The following PDE6D variants were observed in gnomAD, a reference collection of about 807,000 sequenced individuals.
The protein encoded by PDE6D is retinal rod rhodopsin-sensitive cGMP 3',5'-cyclic phosphodiesterase subunit delta.
In PDE6D, 10 loss-of-function variants were observed where a neutral mutation model predicts 21.9. The observed-to-expected ratio is 0.46, with a 90% CI of 0.28 to 0.78. PDE6D has a LOEUF of 0.78. Among genes scored for constraint, PDE6D ranks in the 30% least tolerant of loss-of-function variants. The pLI is 0.12. For synonymous variants in PDE6D, 59 were observed against 63.5 expected (o/e 0.93, Z 0.34); for missense variants, 139 against 184.8 (o/e 0.75, Z 1.44).
intron 4 of PDE6D, among the ~76,000 whole-genome samples, chr2:231,733,767 A>G (rs1472652363): frequency 6.6e-6 from 1 of 150,880 alleles, no homozygotes; most frequent in African/African-American, 2.4e-5. Flanking sequence ...ACTACAGAAC[A>G]CTAAATGATG....
intron 1 of PDE6D, among the ~76,000 whole-genome samples, chr2:231,771,141 C>T (rs1003299246): frequency 3.3e-5 from 5 of 151,632 alleles, no homozygotes; most frequent in African/African-American, 4.8e-5. Flanking sequence ...GTGCCTCAGC[C>T]TCCCAAATAG....
chr2:231,760,878 T>C (rs144922230), intron 1 of PDE6D, among the ~76,000 whole-genome samples: 2 of 152,328 alleles, frequency 1.3e-5, no homozygotes, highest in African/African-American at 4.8e-5. Flanking sequence ...CACTATTTTC[T>C]AGCTCAGCCA....
intron 1 of PDE6D, among the ~76,000 whole-genome samples, chr2:231,766,896 G>A (rs1305380609): frequency 6.6e-6 from 1 of 150,740 alleles, no homozygotes; most frequent in Non-Finnish European, 1.5e-5. Flanking sequence ...GGAGGCTGAG[G>A]CTACTCGGGA....
intron 1 of PDE6D, among the ~76,000 whole-genome samples, chr2:231,752,205 G>A (rs2048845005): frequency 1.3e-5 from 2 of 151,850 alleles, no homozygotes. Context: ...AAACCACAGG[G>A]TATGTTAGTT....
At chr2:231,735,604 A>G (rs1316115293) in intron 4 of PDE6D, among the ~76,000 whole-genome samples, 1 of 151,764 alleles carries the variant, frequency 6.6e-6, no homozygotes, top group South Asian at 2.1e-4. Flanking sequence ...AGCCTCTTAC[A>G]AAATCTATGT....
At chr2:231,765,237 C>T (rs527767128) in intron 1 of PDE6D, among the ~76,000 whole-genome samples, 1 of 152,164 alleles carries the variant, frequency 6.6e-6, no homozygotes, top group East Asian at 1.9e-4. Context: ...CTTACCACTG[C>T]ACTTCAGCCT....
chr2:231,763,968 C>A (rs2048951308), intron 1 of PDE6D, among the ~76,000 whole-genome samples: 1 of 151,776 alleles, frequency 6.6e-6, no homozygotes, highest in Admixed American at 6.6e-5. Context: ...ATTAATCTCA[C>A]TGTATTTTAC....
At chr2:231,748,909 C>T (rs544731298) in intron 1 of PDE6D, among the ~76,000 whole-genome samples, 34 of 152,292 alleles carry the variant, frequency 2.2e-4, no homozygotes, top group African/African-American at 7.9e-4. Context: ...GAACCTCCGC[C>T]TGGAGTTTAG....
chr2:231,762,275 C>G (rs2048936802), intron 1 of PDE6D, among the ~76,000 whole-genome samples: 2 of 147,694 alleles, frequency 1.4e-5, no homozygotes, highest in Non-Finnish European at 3.0e-5. Flanking sequence ...TAGACCTCCT[C>G]TTTTCTATCC....
intron 1 of PDE6D, among the ~76,000 whole-genome samples, chr2:231,774,021 C>T (rs1185033743): frequency 6.6e-6 from 1 of 152,052 alleles, no homozygotes; most frequent in African/African-American, 2.4e-5. Context: ...GCAACCTCCA[C>T]CTCCTGGGTT....
intron 1 of PDE6D, among the ~76,000 whole-genome samples, chr2:231,767,197 A>G (rs533291506): frequency 6.6e-6 from 1 of 152,300 alleles, no homozygotes; most frequent in East Asian, 1.9e-4. Flanking sequence ...AGCAAAGGTA[A>G]ATAATGATTG....
At chr2:231,781,037 C>G (rs778691578) in intron 1 of PDE6D, 28 bp downstream of exon 1, 2 of 1,604,078 alleles carry the variant, frequency 1.2e-6, no homozygotes, top group South Asian at 2.2e-5. Context: ...CAAGTCCTCC[C>G]GGCCCCGCCC....
intron 1 of PDE6D, among the ~76,000 whole-genome samples, chr2:231,776,443 C>T (rs1412062889): frequency 6.6e-6 from 1 of 150,690 alleles, no homozygotes; most frequent in African/African-American, 2.4e-5. Context: ...AAGTAAGTTA[C>T]AAAGTGATAT....
In PDE6D at chr2:231,767,999, C is replaced by T. The variant is rs551745047; in HGVS notation, c.50+13066G>A. On this transcript the variant is annotated intron_variant, in intron 1 of 4. Coordinates refer to ENST00000287600, the MANE Select transcript of PDE6D (RefSeq NM_002601.4). ...TAGCTGGGACTACAGGCACACACTA[C>T]CATGCCTGGCTAATTTTTGTATTTT... 1.2e-4 allele frequency among the ~76,000 whole-genome samples: 19 copies of T among 152,100 alleles called. No individual in the cohort carries two copies. In the East Asian group the frequency reaches 3.1e-3, roughly 25 times the overall value.
chr2:231,772,589 A>G (rs1296160110), intron 1 of PDE6D, among the ~76,000 whole-genome samples: 1 of 152,200 alleles, frequency 6.6e-6, no homozygotes, highest in East Asian at 1.9e-4. Context: ...GCTCAGGAAT[A>G]GAGAGGGATA....
At chr2:231,745,781 G>A (rs2048789367) in intron 1 of PDE6D, among the ~76,000 whole-genome samples, 1 of 152,148 alleles carries the variant, frequency 6.6e-6, no homozygotes, top group Non-Finnish European at 1.5e-5. Flanking sequence ...CACAGGTTAC[G>A]CAAATCCTCT....
intron 1 of PDE6D, among the ~76,000 whole-genome samples, chr2:231,742,643 A>G (rs1372543952): frequency 6.6e-6 from 1 of 152,200 alleles, no homozygotes; most frequent in African/African-American, 2.4e-5. Context: ...TATAATATAG[A>G]TATAGTTTAC....
chr2:231,760,451 T>C (rs2048916980), intron 1 of PDE6D, among the ~76,000 whole-genome samples: 1 of 152,188 alleles, frequency 6.6e-6, no homozygotes, highest in Non-Finnish European at 1.5e-5. Context: ...GAGGAATCTG[T>C]ACAGGTTTGA....
At chr2:231,769,489 A>G (rs2048998250) in intron 1 of PDE6D, among the ~76,000 whole-genome samples, 1 of 152,020 alleles carries the variant, frequency 6.6e-6, no homozygotes, top group African/African-American at 2.4e-5. Flanking sequence ...ACATGGCATA[A>G]TTATGACTAT....
Sources: allele counts gnomAD v4.1 joint callset (sites outside exome capture counted in the v4.1 genomes callset), GRCh38; gene constraint gnomAD v4.1.1; transcripts MANE v1.5; gene names NCBI Gene and HGNC (gene_info 2026-07-23, HGNC 2026-07-21).